SASH1: variants seen among roughly 807,000 people sequenced by gnomAD.
SASH1 encodes SAM and SH3 domain-containing protein 1.
A neutral mutation model predicts 125.2 loss-of-function variants in SASH1; 44 were observed. The ratio of observed to expected loss-of-function variants is 0.35; its 90% CI spans 0.28 to 0.45. The LOEUF (loss-of-function observed/expected upper bound fraction) is 0.45, where lower values mean the gene tolerates loss of function less well. SASH1 is among the 20% of genes least tolerant of loss of function. SASH1 has a pLI of 1.00. For missense variants in SASH1, 1,426 were observed against 1,614.5 expected (o/e 0.88, Z 2.00); for synonymous variants, 639 against 649.1 (o/e 0.98, Z 0.24).
intron 7 of SASH1, among the ~76,000 whole-genome samples, chr6:148,475,392 G>A (rs991795926): frequency 6.6e-6 from 1 of 152,164 alleles, no homozygotes; most frequent in Non-Finnish European, 1.5e-5. Context: ...TTGGTGTCTG[G>A]TGAGACTGTG....
the SASH1 span, among the ~76,000 whole-genome samples, chr6:148,215,797 T>C: frequency 6.6e-6 from 1 of 152,188 alleles, no homozygotes; most frequent in South Asian, 2.1e-4. Flanking sequence ...CACTAAAATT[T>C]TGCTATGGTG....
At chr6:148,262,554 C>T in the SASH1 span, among the ~76,000 whole-genome samples, 1 of 152,296 alleles carries the variant, frequency 6.6e-6, no homozygotes, top group East Asian at 1.9e-4. Flanking sequence ...TCAAGTCAGA[C>T]TCAGATAGAT....
chr6:148,285,156 G>C (rs1361353972), intron 1 of SASH1, among the ~76,000 whole-genome samples: 2 of 152,128 alleles, frequency 1.3e-5, no homozygotes, highest in East Asian at 3.9e-4. Context: ...GAACTTCAAG[G>C]ATATATGGTC....
At position 148,467,694 on chromosome 6, in the gene SASH1, T is replaced by A. The variant is rs937950969; in HGVS notation, c.387-851T>A. 7.9e-5 allele frequency among the ~76,000 whole-genome samples: 12 copies of A among 152,258 alleles called. No homozygotes were observed. The East Asian group carries it at 1.5e-3, about 20-fold the overall frequency. ...GCTCACGCCTGTAATCCCAGCACTTTGGGGGGCCGAGGCAGGAGGATTGCA... is the reference window on the plus strand; with the variant it reads ...GCTCACGCCTGTAATCCCAGCACTTAGGGGGGCCGAGGCAGGAGGATTGCA... On this transcript the variant is annotated intron_variant, in intron 4 of 19. Coordinates refer to ENST00000367467, the MANE Select transcript of SASH1 (RefSeq NM_015278.5).
intron 4 of SASH1, 89 bp from the exon 5 acceptor site, chr6:148,468,456 T>C (rs1660161513): frequency 5.1e-6 from 5 of 973,942 alleles, no homozygotes; most frequent in Admixed American, 4.1e-5. Context: ...TTAAGTAGTA[T>C]TGATGCTGGG....
At chr6:148,324,939 T>C (rs540434281) in intron 1 of SASH1, among the ~76,000 whole-genome samples, 7 of 152,182 alleles carry the variant, frequency 4.6e-5, no homozygotes, top group Non-Finnish European at 1.0e-4. Context: ...TGTGGGATGA[T>C]GGTGCTTCTG....
At chr6:148,465,548 GAAAAA>G (rs564107121) in intron 4 of SASH1, among the ~76,000 whole-genome samples, 1 of 100,838 alleles carries the variant, frequency 9.9e-6, no homozygotes. Flanking sequence ...GTCTCCAGGA[GAAAAA>G]AAAAAAAAAA....
At chr6:148,429,944 C>T (rs762583495) in intron 2 of SASH1, among the ~76,000 whole-genome samples, 1 of 152,066 alleles carries the variant, frequency 6.6e-6, no homozygotes, top group Non-Finnish European at 1.5e-5. Context: ...TATTGGAAGG[C>T]CATTTACAGT....
intron 1 of SASH1, among the ~76,000 whole-genome samples, chr6:148,281,626 A>G (rs1779343494): frequency 6.6e-6 from 1 of 152,062 alleles, no homozygotes; most frequent in African/African-American, 2.4e-5. Context: ...ACCGAATTTT[A>G]AAAAGAAAAT....
At chr6:148,364,224 C>T (rs550633567) in intron 1 of SASH1, among the ~76,000 whole-genome samples, 1 of 152,242 alleles carries the variant, frequency 6.6e-6, no homozygotes, top group East Asian at 1.9e-4. Flanking sequence ...AGCAGACATC[C>T]TATTAAGAAA....
intron 1 of SASH1, among the ~76,000 whole-genome samples, chr6:148,376,139 TCACTGCAAC>T (rs1416441621): frequency 1.3e-4 from 20 of 152,168 alleles, no homozygotes; most frequent in Non-Finnish European, 1.2e-4. Flanking sequence ...ATCTCCAACC[TCACTGCAAC>T]CCCTGCCTTC....
intron 1 of SASH1, among the ~76,000 whole-genome samples, chr6:148,299,836 C>A (rs544419853): frequency 4.6e-4 from 70 of 152,170 alleles, no homozygotes; most frequent in African/African-American, 1.5e-3. Flanking sequence ...ACTTTTAAAT[C>A]AGAATAAATT....
the SASH1 span, among the ~76,000 whole-genome samples, chr6:148,242,970 G>A: frequency 6.6e-6 from 1 of 151,980 alleles, no homozygotes; most frequent in Non-Finnish European, 1.5e-5. Context: ...CCCATAGGTT[G>A]GCTACCTCTA....
intron 19 of SASH1, 93 bp from the exon 20 acceptor site, chr6:148,548,202 C>T: frequency 9.1e-7 from 1 of 1,099,272 alleles, no homozygotes; most frequent in Non-Finnish European, 1.3e-6. Context: ...TCTAGCAATG[C>T]AGTATTTCAG....
chr6:148,376,598 A>T (rs986426486), intron 1 of SASH1, among the ~76,000 whole-genome samples: 3 of 152,110 alleles, frequency 2.0e-5, no homozygotes, highest in Non-Finnish European at 4.4e-5. Flanking sequence ...ATGGTGCCTC[A>T]TGCCTGTAAT....
At chr6:148,477,814 C>G (rs886527947) in intron 7 of SASH1, among the ~76,000 whole-genome samples, 2 of 151,058 alleles carry the variant, frequency 1.3e-5, no homozygotes, top group Non-Finnish European at 2.9e-5. Context: ...TCTCCTGCCT[C>G]AGCCTCCCGA....
intron 1 of SASH1, among the ~76,000 whole-genome samples, chr6:148,359,241 C>T (rs189543364): frequency 1.3e-3 from 203 of 152,050 alleles, no homozygotes; most frequent in African/African-American, 3.9e-3. Context: ...TCACTGTAAC[C>T]TCCGCCTCCT....
intron 2 of SASH1, among the ~76,000 whole-genome samples, chr6:148,398,696 T>C (rs1037351863): frequency 2.0e-5 from 3 of 152,218 alleles, no homozygotes; most frequent in African/African-American, 4.8e-5. Flanking sequence ...TTCTGTTTCC[T>C]TTTGTCTTCA....
intron 2 of SASH1, among the ~76,000 whole-genome samples, chr6:148,420,161 C>T (rs1007939864): frequency 6.6e-6 from 1 of 152,142 alleles, no homozygotes; most frequent in African/African-American, 2.4e-5. Flanking sequence ...TCTTCTATGT[C>T]ATGGACCTTC....
Sources: gnomAD v4.1 joint callset for allele counts (sites outside exome capture counted in the v4.1 genomes callset) on GRCh38, gnomAD v4.1.1 for gene constraint, MANE v1.5 for transcripts, NCBI Gene and HGNC (gene_info 2026-07-23, HGNC 2026-07-21) for gene names.